Variants in C8orf34 observed in about 807,000 individuals in gnomAD.
C8orf34 encodes the protein chromosome 8 open reading frame 34, also known as uncharacterized protein C8orf34.
Under a neutral mutation model 68.3 loss-of-function variants are expected in C8orf34, and 65 were observed. That is an observed-to-expected ratio of 0.95 (90% CI 0.78 to 1.17). The LOEUF (loss-of-function observed/expected upper bound fraction) is 1.17, where lower values mean the gene tolerates loss of function less well. Among genes scored for constraint, C8orf34 ranks in the 50% most tolerant of loss-of-function variants. The pLI, the probability that C8orf34 is intolerant of heterozygous loss-of-function variation, is 0.00. For missense variants in C8orf34, 664 were observed against 655.4 expected, an observed-to-expected ratio of 1.01 and a Z score of -0.14; for synonymous variants, 244 against 241.2, an observed-to-expected ratio of 1.01 and a Z score of -0.11.
At chr8:68,689,024 A>T (rs1419656475) in intron 8 of C8orf34, among the ~76,000 whole-genome samples, 1 of 152,104 alleles carries the variant, frequency 6.6e-6, no homozygotes, top group Non-Finnish European at 1.5e-5. Flanking sequence ...AACAAAAAAG[A>T]AAATGTGGTA....
intron 8 of C8orf34, among the ~76,000 whole-genome samples, chr8:68,645,168 C>T (rs903378150): frequency 2.0e-5 from 3 of 152,094 alleles, no homozygotes; most frequent in Admixed American, 6.5e-5. Context: ...CTCTAAATTA[C>T]CTGGTATGTC....
chr8:68,618,200 G>A (rs1247436712), intron 7 of C8orf34, among the ~76,000 whole-genome samples: 1 of 152,024 alleles, frequency 6.6e-6, no homozygotes, highest in African/African-American at 2.4e-5. Context: ...CAAAAGTAAT[G>A]ATAAAAGTTA....
At chr8:68,675,940 T>C (rs891986055) in intron 8 of C8orf34, among the ~76,000 whole-genome samples, 13 of 152,106 alleles carry the variant, frequency 8.5e-5, no homozygotes, top group African/African-American at 2.9e-4. Context: ...GGAGTAGCTA[T>C]ACTTAGACAA....
intron 7 of C8orf34, among the ~76,000 whole-genome samples, chr8:68,569,604 A>G (rs1213741034): frequency 1.3e-5 from 2 of 152,212 alleles, no homozygotes; most frequent in Non-Finnish European, 2.9e-5. Flanking sequence ...ACTGCTTCAT[A>G]TCCTCTTCCC....
intron 8 of C8orf34, among the ~76,000 whole-genome samples, chr8:68,645,215 T>C (rs1819129502): frequency 6.6e-6 from 1 of 152,166 alleles, no homozygotes; most frequent in Admixed American, 6.5e-5. Flanking sequence ...GGTTTTTAGC[T>C]GTGAAACGGA....
chr8:68,769,855 GA>G (rs1286762512), intron 10 of C8orf34, among the ~76,000 whole-genome samples: 1 of 152,190 alleles, frequency 6.6e-6, no homozygotes, highest in Non-Finnish European at 1.5e-5. Flanking sequence ...CAGTTAAGTA[GA>G]AAAGATGTAG....
chr8:68,393,935 A>G (rs1382769038), intron 1 of C8orf34, among the ~76,000 whole-genome samples: 1 of 152,088 alleles, frequency 6.6e-6, no homozygotes, highest in Non-Finnish European at 1.5e-5. Context: ...GAGACCAGGG[A>G]GTGAAAACTG....
intron 5 of C8orf34, among the ~76,000 whole-genome samples, chr8:68,493,198 C>T (rs747212393): frequency 6.6e-6 from 1 of 152,124 alleles, no homozygotes; most frequent in Non-Finnish European, 1.5e-5. Context: ...CACTTCCGTG[C>T]ATCAAAGGAC....
At chr8:68,806,190 TA>T (rs1824478205) in intron 12 of C8orf34, among the ~76,000 whole-genome samples, 1 of 152,122 alleles carries the variant, frequency 6.6e-6, no homozygotes, top group Non-Finnish European at 1.5e-5. Context: ...TAAAACACCA[TA>T]AGGCTTTATT....
chr8:68,381,266 G>A (rs964681483), intron 1 of C8orf34, among the ~76,000 whole-genome samples: 1 of 152,102 alleles, frequency 6.6e-6, no homozygotes, highest in Non-Finnish European at 1.5e-5. Context: ...TTATTCCAAA[G>A]AACCTATAGA....
Position 68,750,796 on chromosome 8 carries a change from T to C in C8orf34, c.1405-25603T>C, listed in dbSNP as rs546687943. 7.2e-5 allele frequency among the ~76,000 whole-genome samples: 11 copies of C among 152,242 alleles called. No individual in the cohort carries two copies. The East Asian group carries it at 1.7e-3, about 24-fold the overall frequency. On this transcript the variant is annotated intron_variant, in intron 10 of 13. Coordinates refer to ENST00000518698, the MANE Select transcript of C8orf34 (RefSeq NM_052958.4). Reference sequence around the variant, plus strand: ...TAGTTCCTGAATTCAGTGTCTACCATGTCCATGCATTGTTCTAGGAGCTTT... The same window carrying C: ...TAGTTCCTGAATTCAGTGTCTACCACGTCCATGCATTGTTCTAGGAGCTTT...
At chr8:68,725,373 A>C (rs937080660) in intron 10 of C8orf34, among the ~76,000 whole-genome samples, 1 of 152,156 alleles carries the variant, frequency 6.6e-6, no homozygotes, top group Admixed American at 6.5e-5. Context: ...ACTGGTCATC[A>C]TTTCTTACTT....
At chr8:68,383,075 G>T (rs1006007898) in intron 1 of C8orf34, among the ~76,000 whole-genome samples, 1 of 152,146 alleles carries the variant, frequency 6.6e-6, no homozygotes, top group Non-Finnish European at 1.5e-5. Context: ...ATAGGTTAAA[G>T]ATAATGTCAG....
chr8:68,446,072 A>G lies in C8orf34; in HGVS notation c.476-257A>G, dbSNP rs111362350. ...CAAAGTGCTGGGATTACAGGCATGAACCACTGCGCCCAGCCAATTTCATAG... is the reference window on the plus strand; with the variant it reads ...CAAAGTGCTGGGATTACAGGCATGAGCCACTGCGCCCAGCCAATTTCATAG... On this transcript the variant is annotated intron_variant, in intron 2 of 13. Transcript: ENST00000518698. Among the ~76,000 whole-genome samples the G allele has an allele frequency of 2.1e-3, 327 of 152,266 alleles. 1 individual carries two copies. Among genetic ancestry groups the G allele is most frequent in the African/African-American group, 7.1e-3 (294 of 41,554 alleles).
intron 1 of C8orf34, among the ~76,000 whole-genome samples, chr8:68,353,112 T>A (rs1411584219): frequency 6.6e-6 from 1 of 152,046 alleles, no homozygotes; most frequent in Admixed American, 6.6e-5. Flanking sequence ...GGGCTAGACA[T>A]AAGTAGGAAA....
chr8:68,509,807 G>A (rs183799804), intron 5 of C8orf34, among the ~76,000 whole-genome samples: 2 of 152,128 alleles, frequency 1.3e-5, no homozygotes, highest in African/African-American at 4.8e-5. Flanking sequence ...ATCCTTGCAT[G>A]CCTGAATCCT....
In C8orf34 at chr8:68,565,864, G is replaced by T. The variant is rs191758746; in HGVS notation, c.1105+32715G>T. Among the ~76,000 whole-genome samples, 10 of 152,108 alleles carry T rather than the reference G, an allele frequency of 6.6e-5. No homozygotes were observed. The East Asian group carries it at 1.4e-3, about 21-fold the overall frequency. ...ATGGAACATAGCTATGTAGCTACAG[G>T]GTTTATTTTAATAGAGATGTAGATG... On this transcript the variant is annotated intron_variant, in intron 7 of 13. Transcript: ENST00000518698.
intron 11 of C8orf34, among the ~76,000 whole-genome samples, chr8:68,782,317 G>A (rs16935048): frequency 0.078 from 11,787 of 151,398 alleles, 515 homozygotes; most frequent in African/African-American, 0.099. Context: ...GCTGTTTTTC[G>A]GTGTAGCTCA....
intron 5 of C8orf34, among the ~76,000 whole-genome samples, chr8:68,500,902 A>G (rs2380466): frequency 0.47 from 71,935 of 151,990 alleles, 17,183 homozygotes; most frequent in Middle Eastern, 0.54. Context: ...AAACCACTGC[A>G]GACAGGGAGG....
Sources: gnomAD v4.1 joint callset for allele counts (sites outside exome capture counted in the v4.1 genomes callset) on GRCh38, gnomAD v4.1.1 for gene constraint, MANE v1.5 for transcripts, NCBI Gene and HGNC (gene_info 2026-07-23, HGNC 2026-07-21) for gene names.